The following ADGRB1 variants were observed in gnomAD, a reference collection of about 807,000 sequenced individuals.
The protein encoded by ADGRB1 is adhesion G protein-coupled receptor B1, also known as brain-specific angiogenesis inhibitor 1.
Under a neutral mutation model 175.7 loss-of-function variants are expected in ADGRB1, and 36 were observed. The ratio of observed to expected loss-of-function variants is 0.20; its 90% CI spans 0.16 to 0.27. The LOEUF is 0.27. Ranked by LOEUF, ADGRB1 falls within the 10% of genes least tolerant of loss-of-function variation. The pLI is 1.00. For synonymous variants in ADGRB1, 1,054 were observed against 979.4 expected (o/e 1.08, Z -1.42); for missense variants, 1,731 against 2,255.3 (o/e 0.77, Z 4.71).
rs1233389802 is a variant in ADGRB1 at position 142,510,205 on chromosome 8, T to TG, written c.2676-726dup. On this transcript the variant is annotated intron_variant, in intron 17 of 30. Coordinates refer to ENST00000517894, the MANE Select transcript of ADGRB1 (RefSeq NM_001702.3). This position sits in a 1 kb window ranked among gnomAD's most constrained non-coding sequence, Gnocchi z 6.3. ...CCAAGTAACAAGTCCTGTGCTTAAA[T>TG]GCGTGCTCAGATGAAAAGCGGGGCA... Among the ~76,000 whole-genome samples the TG allele has an allele frequency of 3.3e-5, 5 of 152,102 alleles. No homozygotes were observed. Among genetic ancestry groups the TG allele is most frequent in the African/African-American group, 1.2e-4 (5 of 41,420 alleles).
intron 26 of ADGRB1, among the ~76,000 whole-genome samples, chr8:142,539,008 C>T (rs1418624765): frequency 1.3e-5 from 2 of 152,218 alleles, no homozygotes; most frequent in African/African-American, 4.8e-5. Flanking sequence ...AACACACACA[C>T]AGCCACATAC....
At chr8:142,534,558 G>A (rs557531473) in intron 25 of ADGRB1, among the ~76,000 whole-genome samples, 12 of 152,330 alleles carry the variant, frequency 7.9e-5, no homozygotes, top group African/African-American at 1.4e-4. Context: ...ATCTGACTTC[G>A]AGGAAAGACA....
chr8:142,522,605 G>C (rs745582429), intron 21 of ADGRB1, 36 bp from the exon 22 acceptor site: 1 of 1,527,618 alleles, frequency 6.5e-7, no homozygotes, highest in South Asian at 1.2e-5. Context: ...TGGGGACTTG[G>C]GTGGGGCCAA....
At chr8:142,514,995 A>G (rs1262041567) in intron 18 of ADGRB1, among the ~76,000 whole-genome samples, 1 of 152,002 alleles carries the variant, frequency 6.6e-6, no homozygotes, top group Non-Finnish European at 1.5e-5. Flanking sequence ...TTAGGGGGCA[A>G]AGGGTGGATA....
intron 1 of ADGRB1, among the ~76,000 whole-genome samples, chr8:142,450,850 A>T (rs1839305760): frequency 6.6e-6 from 1 of 150,942 alleles, no homozygotes; most frequent in South Asian, 2.1e-4. Context: ...CTACCTTTCC[A>T]CTGGGTCGGA....
At position 142,477,373 on chromosome 8, in the gene ADGRB1, G is replaced by A. The variant is rs564646816; in HGVS notation, c.1223-12G>A. On this transcript the variant is annotated splice_polypyrimidine_tract_variant and intron_variant, in intron 5 of 30. Transcript: ENST00000517894. ...GCCGCAGTGGGCAGCAGCACCTTCC[G>A]TCCCTCTGCAGTGCATGGTGCCTGG... 1.4e-5 allele frequency: 22 copies of A among 1,604,248 alleles called. No individual in the cohort carries two copies. Among genetic ancestry groups the A allele is most frequent in the African/African-American group, 6.7e-5 (5 of 74,854 alleles).
chr8:142,527,041 C>G (rs1399415277), intron 24 of ADGRB1, among the ~76,000 whole-genome samples: 1 of 152,190 alleles, frequency 6.6e-6, no homozygotes, highest in Non-Finnish European at 1.5e-5. Flanking sequence ...GACTCCCTGT[C>G]TTTGTGGGAC....
intron 9 of ADGRB1, among the ~76,000 whole-genome samples, 160 bp downstream of exon 9, chr8:142,479,954 C>T (rs1320626505): frequency 2.6e-5 from 4 of 152,210 alleles, no homozygotes; most frequent in Non-Finnish European, 5.9e-5. Flanking sequence ...CCCAGGGCAC[C>T]GTGTGAGAAC....
intron 15 of ADGRB1, 59 bp from the exon 16 acceptor site, chr8:142,489,277 G>C (rs1174011845): frequency 1.9e-6 from 3 of 1,595,358 alleles, no homozygotes. Context: ...CTGGGGAAGG[G>C]CCAGGAGGAG....
chr8:142,465,581 T>G (rs1164875080), intron 2 of ADGRB1, among the ~76,000 whole-genome samples: 1 of 151,812 alleles, frequency 6.6e-6, no homozygotes, highest in South Asian at 2.1e-4. Context: ...GGGCCACGGC[T>G]GCAGCAGTGA....
chr8:142,521,869 G>T (rs1843870714), intron 20 of ADGRB1, 96 bp from the exon 21 acceptor site: 1 of 1,420,532 alleles, frequency 7.0e-7, no homozygotes, highest in Non-Finnish European at 9.5e-7. Flanking sequence ...GAGGGTGCTG[G>T]GTGCTGGGCT....
At chr8:142,539,694 T>TTTAA in intron 27 of ADGRB1, 11 of 556,594 alleles carry the variant, frequency 2.0e-5, no homozygotes, top group Admixed American at 3.2e-5. Context: ...CAGGTGCCTG[T>TTTAA]GGAGCGCCTG....
rs61756329 is a variant in ADGRB1, at chr8:142,522,033, C to A, written c.3093C>A (p.Thr1031=). The change falls in exon 21 of 31, where the codon ACC becomes ACA. Residue 1031 remains threonine, a synonymous_variant. Transcript: ENST00000517894. ...FFLSSFCWVL[T]EAWQSYMAVT... ...TGTCCTCCTTCTGCTGGGTGCTCAC[C>A]GAGGCCTGGCAGTCCTACATGGCGG... is the stretch of plus-strand genomic sequence containing the variant. 1 of 1,612,692 alleles carries A rather than the reference C, an allele frequency of 6.2e-7. No homozygotes were observed. The highest frequency in any genetic ancestry group is 8.5e-7 in the Non-Finnish European group (1 of 1,179,528).
At chr8:142,512,762 G>A (rs1391218755) in intron 18 of ADGRB1, among the ~76,000 whole-genome samples, 1 of 152,224 alleles carries the variant, frequency 6.6e-6, no homozygotes, top group Non-Finnish European at 1.5e-5. Context: ...CCCAGGCGGT[G>A]GCATACCAGC....
intron 2 of ADGRB1, among the ~76,000 whole-genome samples, chr8:142,470,395 G>A (rs975703747): frequency 9.2e-5 from 14 of 151,670 alleles, no homozygotes; most frequent in South Asian, 2.1e-4. Context: ...GTGTGTCCTC[G>A]TGTGTGTGTG....
At chr8:142,522,792 C>T in intron 22 of ADGRB1, 82 bp downstream of exon 22, 1 of 1,328,988 alleles carries the variant, frequency 7.5e-7, no homozygotes, top group Non-Finnish European at 9.9e-7. Context: ...GAGGGCTGGC[C>T]ATGCCCTCCC....
chr8:142,526,511 C>CCCCCCCA, intron 23 of ADGRB1, 31 bp from the exon 24 acceptor site: 1 of 1,294,836 alleles, frequency 7.7e-7, no homozygotes, highest in Non-Finnish European at 1.1e-6. Context: ...CGGCCCCCAC[C>CCCCCCCA]CCCACACCCC....
chr8:142,529,598 ATGTG>A (rs550097286), intron 24 of ADGRB1, among the ~76,000 whole-genome samples: 4 of 147,632 alleles, frequency 2.7e-5, no homozygotes, highest in African/African-American at 5.0e-5. Flanking sequence ...GCGTGCATGT[ATGTG>A]TGTGAGTGCA....
intron 9 of ADGRB1, among the ~76,000 whole-genome samples, chr8:142,480,512 C>A (rs563552251): frequency 8.5e-5 from 13 of 152,186 alleles, no homozygotes; most frequent in Non-Finnish European, 1.8e-4. Flanking sequence ...AGGGCATGTT[C>A]TCGGTAGCAG....
Sources: gnomAD v4.1 joint callset for allele counts (sites outside exome capture counted in the v4.1 genomes callset) on GRCh38, gnomAD v4.1.1 for gene constraint, Gnocchi (gnomAD v3.1) non-coding constraint, MANE v1.5 for transcripts, NCBI Gene and HGNC (gene_info 2026-07-23, HGNC 2026-07-21) for gene names.